Variants in KHDRBS2 observed in about 807,000 individuals in gnomAD.
KHDRBS2 encodes the protein KH domain-containing, RNA-binding, signal transduction-associated protein 2.
A neutral mutation model predicts 44.3 loss-of-function variants in KHDRBS2; 26 were observed. The observed-to-expected ratio is 0.59, with a 90% confidence interval of 0.43 to 0.81. The LOEUF (loss-of-function observed/expected upper bound fraction) is 0.81, where lower values mean the gene tolerates loss of function less well. Among genes scored for constraint, KHDRBS2 ranks in the 40% least tolerant of loss-of-function variants. KHDRBS2 has a pLI of 0.00. For synonymous variants in KHDRBS2, 194 were observed against 151.1 expected (o/e 1.28, Z -2.08); for missense variants, 476 against 433.1 (o/e 1.10, Z -0.88).
intron 4 of KHDRBS2, among the ~76,000 whole-genome samples, chr6:61,926,672 G>C (rs1809032948): frequency 6.6e-6 from 1 of 152,070 alleles, no homozygotes; most frequent in East Asian, 1.9e-4. Context: ...TAGGATTATT[G>C]GTAACATATA....
intron 6 of KHDRBS2, among the ~76,000 whole-genome samples, chr6:61,807,666 G>A (rs1427599729): frequency 6.6e-6 from 1 of 152,006 alleles, no homozygotes; most frequent in African/African-American, 2.4e-5. Context: ...GGGCCTCCTT[G>A]AAGGTTGAGG....
At chr6:62,285,459 A>G (rs1561920766) in intron 1 of KHDRBS2, among the ~76,000 whole-genome samples, 2 of 152,186 alleles carry the variant, frequency 1.3e-5, no homozygotes, top group Admixed American at 1.3e-4. Context: ...AAATAAAAAT[A>G]AAAATACCGA....
chr6:62,099,845 C>A (rs1011503820), intron 2 of KHDRBS2, among the ~76,000 whole-genome samples: 2 of 152,098 alleles, frequency 1.3e-5, no homozygotes, highest in Non-Finnish European at 2.9e-5. Context: ...TGGAGATGTG[C>A]GGGGATATTA....
chr6:62,132,029 A>C (rs539927140), intron 2 of KHDRBS2, among the ~76,000 whole-genome samples: 1 of 152,314 alleles, frequency 6.6e-6, no homozygotes, highest in South Asian at 2.1e-4. Context: ...ACATCTCTAT[A>C]AACTTGCTAA....
At chr6:62,238,685 TATAC>T (rs962075089) in intron 1 of KHDRBS2, among the ~76,000 whole-genome samples, 38 of 117,480 alleles carry the variant, frequency 3.2e-4, no homozygotes, top group East Asian at 1.5e-3. Flanking sequence ...TTAAGTTTTA[TATAC>T]ACACACACAC....
At chr6:61,774,764 A>T (rs1246991800) in intron 6 of KHDRBS2, among the ~76,000 whole-genome samples, 1 of 152,158 alleles carries the variant, frequency 6.6e-6, no homozygotes, top group Non-Finnish European at 1.5e-5. Flanking sequence ...CAATAGAAAA[A>T]GAGGGAATCC....
intron 7 of KHDRBS2, among the ~76,000 whole-genome samples, chr6:61,704,515 C>T (rs983731222): frequency 2.6e-5 from 4 of 151,654 alleles, no homozygotes; most frequent in East Asian, 1.9e-4. Context: ...GGAGTGACCG[C>T]GTATCAGTAT....
intron 4 of KHDRBS2, among the ~76,000 whole-genome samples, chr6:61,908,401 G>A (rs569147788): frequency 4.6e-5 from 7 of 152,100 alleles, no homozygotes; most frequent in African/African-American, 7.2e-5. Context: ...TTGGGAGGCC[G>A]AGGCGGGCAG....
intron 4 of KHDRBS2, among the ~76,000 whole-genome samples, chr6:61,949,706 G>GT (rs2127382609): frequency 6.6e-6 from 1 of 151,824 alleles, no homozygotes; most frequent in South Asian, 2.1e-4. Flanking sequence ...AGATAGTATT[G>GT]TTTTTGTGTA....
intron 6 of KHDRBS2, among the ~76,000 whole-genome samples, chr6:61,755,406 T>C (rs1247148414): frequency 6.6e-6 from 1 of 152,104 alleles, no homozygotes; most frequent in African/African-American, 2.4e-5. Flanking sequence ...CTAATGAGGC[T>C]AAAAGTTCAT....
chr6:61,937,088 C>T (rs1380569719), intron 4 of KHDRBS2, among the ~76,000 whole-genome samples: 2 of 151,860 alleles, frequency 1.3e-5, no homozygotes, highest in East Asian at 3.9e-4. Flanking sequence ...TTATTCCTTC[C>T]TTCATGATTT....
chr6:61,934,496 T>G (rs1392679990), intron 4 of KHDRBS2, among the ~76,000 whole-genome samples: 1 of 152,172 alleles, frequency 6.6e-6, no homozygotes, highest in Non-Finnish European at 1.5e-5. Context: ...CTAGGATACT[T>G]ATAAACATAC....
intron 4 of KHDRBS2, among the ~76,000 whole-genome samples, chr6:61,908,713 T>C (rs1476718780): frequency 6.6e-6 from 1 of 150,848 alleles, no homozygotes; most frequent in Non-Finnish European, 1.5e-5. Context: ...ACTAGAATAG[T>C]ACAAAATTTA....
intron 2 of KHDRBS2, among the ~76,000 whole-genome samples, chr6:62,102,049 T>C (rs1311788503): frequency 6.6e-6 from 1 of 152,196 alleles, no homozygotes; most frequent in Non-Finnish European, 1.5e-5. Flanking sequence ...TTTCAGGTAA[T>C]AAGCAACATT....
intron 6 of KHDRBS2, among the ~76,000 whole-genome samples, chr6:61,845,609 A>C (rs1794291222): frequency 6.6e-6 from 1 of 152,122 alleles, no homozygotes; most frequent in Admixed American, 6.6e-5. Flanking sequence ...CACACGGCCC[A>C]ATGAGGGATA....
the KHDRBS2 span, among the ~76,000 whole-genome samples, chr6:61,627,306 G>A: frequency 7.3e-5 from 11 of 150,086 alleles, no homozygotes; most frequent in Admixed American, 4.6e-4. Context: ...TTTTGTCTTT[G>A]GTCCTTGGGT....
At chr6:62,056,128 G>T (rs942424082) in intron 2 of KHDRBS2, among the ~76,000 whole-genome samples, 1 of 151,746 alleles carries the variant, frequency 6.6e-6, no homozygotes, top group Non-Finnish European at 1.5e-5. Flanking sequence ...TTGAATTGTG[G>T]GTTATAACTA....
chr6:61,555,148 C>A, the KHDRBS2 span, among the ~76,000 whole-genome samples: 1 of 152,138 alleles, frequency 6.6e-6, no homozygotes. Context: ...GCCAATGAGT[C>A]ATAAATTGGG....
chr6:61,624,238 G>A, the KHDRBS2 span, among the ~76,000 whole-genome samples: 1 of 152,128 alleles, frequency 6.6e-6, no homozygotes, highest in East Asian at 1.9e-4. Flanking sequence ...CTCCAGAGAT[G>A]GCATGATGGG....
Sources: allele counts gnomAD v4.1 joint callset (sites outside exome capture counted in the v4.1 genomes callset), GRCh38; gene constraint gnomAD v4.1.1; transcripts MANE v1.5; gene names NCBI Gene and HGNC (gene_info 2026-07-23, HGNC 2026-07-21).